Variants in FAM186A observed in about 807,000 individuals in gnomAD.
The protein encoded by FAM186A is family with sequence similarity 186 member A.
FAM186A carries 163 observed loss-of-function variants against 216.8 expected under a neutral mutation model. The ratio of observed to expected loss-of-function variants is 0.75; its 90% CI spans 0.66 to 0.86. FAM186A has a LOEUF of 0.86. Among genes scored for constraint, FAM186A ranks in the 40% least tolerant of loss-of-function variants. The pLI is 0.00. For synonymous variants in FAM186A, 805 were observed against 1,025.3 expected (o/e 0.79, Z 4.10); for missense variants, 2,184 against 2,746.2 (o/e 0.80, Z 4.58).
intron 4 of FAM186A, among the ~76,000 whole-genome samples, chr12:50,343,322 A>G (rs1489203999): frequency 6.6e-6 from 1 of 152,222 alleles, no homozygotes; most frequent in Non-Finnish European, 1.5e-5. Context: ...GATTACAAGC[A>G]TAAGCCACCT....
intron 1 of FAM186A, among the ~76,000 whole-genome samples, chr12:50,378,205 C>T (rs1245815590): frequency 7.2e-6 from 1 of 138,454 alleles, no homozygotes; most frequent in East Asian, 2.1e-4. Flanking sequence ...GCCTCGACAA[C>T]AAGAGCGAAA....
At chr12:50,328,538 GTC>G (rs35223695) in intron 7 of FAM186A, among the ~76,000 whole-genome samples, 48,724 of 151,428 alleles carry the variant, frequency 0.32, 8,085 homozygotes, top group South Asian at 0.48. Context: ...TTTTGAGAGA[GTC>G]TTTGTTGCCC....
At chr12:50,363,030 A>C (rs1943051226) in intron 2 of FAM186A, 115 bp downstream of exon 2, 5 of 857,262 alleles carry the variant, frequency 5.8e-6, no homozygotes, top group Non-Finnish European at 8.7e-6. Context: ...TCTCTGAATA[A>C]CCTCCTTAGT....
At position 50,354,956 on chromosome 12, in the gene FAM186A, C is replaced by G. The variant is rs767383700; in HGVS notation, c.1876G>C (p.Glu626Gln). Residue 626 changes from glutamate (E) to glutamine (Q), a missense_variant, in exon 4 of 8, where the codon GAG becomes CAG. This residue lies in a region of FAM186A where 1,132 missense variants were observed against 1,263.4 expected (regional missense o/e 0.90). Transcript: ENST00000327337. ...ACTTGTTTGGTCAACTCTTCCTTCT[C>G]TTCAGTTTTTTCTTCTTTGCTTGTG... is the stretch of plus-strand genomic sequence containing the variant. ...TITSKEEKTE[E>Q]KEELTKQVKS... 11 of 1,549,942 alleles carry G rather than the reference C, an allele frequency of 7.1e-6. No homozygotes were observed. The highest frequency in any genetic ancestry group is 8.7e-6 in the Non-Finnish European group (10 of 1,146,734).
At chr12:50,373,076 A>AAAGG in intron 1 of FAM186A, among the ~76,000 whole-genome samples, 1 of 143,026 alleles carries the variant, frequency 7.0e-6, no homozygotes, top group African/African-American at 2.5e-5. Flanking sequence ...AGAAAGAAAG[A>AAAGG]GAAAAGAAAG....
intron 1 of FAM186A, among the ~76,000 whole-genome samples, chr12:50,372,129 A>T (rs1426226903): frequency 1.3e-5 from 2 of 151,558 alleles, no homozygotes; most frequent in Admixed American, 6.6e-5. Flanking sequence ...TTTTTTTTTT[A>T]ATTTAAAAAG....
At chr12:50,358,631 A>T (rs1457226220) in intron 3 of FAM186A, among the ~76,000 whole-genome samples, 3 of 151,974 alleles carry the variant, frequency 2.0e-5, no homozygotes, top group Admixed American at 2.0e-4. Flanking sequence ...CTGTAAAGAA[A>T]TGTTAAAACT....
chr12:50,376,045 C>G (rs1943194799), intron 1 of FAM186A, among the ~76,000 whole-genome samples: 1 of 152,164 alleles, frequency 6.6e-6, no homozygotes, highest in Non-Finnish European at 1.5e-5. Context: ...GGCACAAGCA[C>G]TGGCTCTGGG....
chr12:50,368,129 A>C (rs1943108414), intron 1 of FAM186A, among the ~76,000 whole-genome samples: 1 of 151,850 alleles, frequency 6.6e-6, no homozygotes, highest in Admixed American at 6.6e-5. Flanking sequence ...TGGGTAACAG[A>C]GAGCGACTCT....
rs1410310485 is a variant in FAM186A, at chr12:50,330,689, C to T, written c.6918G>A (p.Glu2306=). 1 of 1,549,408 alleles carries T rather than the reference C, an allele frequency of 6.5e-7. No homozygotes were observed. Among genetic ancestry groups the T allele is most frequent in the Non-Finnish European group, 8.7e-7 (1 of 1,146,074 alleles). The change falls in exon 7 of 8, where the codon GAG becomes GAA. Residue 2306 remains glutamate (E), a synonymous_variant. Transcript: ENST00000327337. ...DLSTSSYPIA[E]KTSMHSLWAQ... ...CCCAGAGTGAATGCATAGATGTCTT[C>T]TCTGCTATTGGGTAGCTTGAAGTGG...
At position 50,351,066 on chromosome 12, in the gene FAM186A, T is replaced by TA; in HGVS notation, c.5765dup (p.Leu1922PhefsTer8). 6.4e-7 allele frequency: 1 copy of TA among 1,551,370 alleles called. No homozygotes were observed. Among genetic ancestry groups the TA allele is most frequent in the Non-Finnish European group, 8.7e-7 (1 of 1,146,924 alleles). ...GATGTCTAGAGGTGGGAGGGATCCATAATGAAGAAGCTCGCCCAGGAAGGG... is the reference window on the plus strand; with the variant it reads ...GATGTCTAGAGGTGGGAGGGATCCATAAATGAAGAAGCTCGCCCAGGAAGGG... On this transcript the variant is annotated frameshift_variant, in exon 4 of 8. Transcript: ENST00000327337. LOFTEE classifies it high-confidence loss of function.
chr12:50,346,134 G>A (rs565240161), intron 4 of FAM186A, among the ~76,000 whole-genome samples: 17 of 145,374 alleles, frequency 1.2e-4, no homozygotes, highest in Admixed American at 5.0e-4. Context: ...TTGCACCACT[G>A]CACTCCAGCT....
chr12:50,391,304 T>A (rs77154665), intron 1 of FAM186A, among the ~76,000 whole-genome samples: 15,086 of 150,930 alleles, frequency 0.1, 1,469 homozygotes, highest in East Asian at 0.33. Flanking sequence ...TTATTTTATT[T>A]TTTTATTTTT....
chr12:50,372,110 C>A (rs1943146937), intron 1 of FAM186A, among the ~76,000 whole-genome samples: 1 of 151,872 alleles, frequency 6.6e-6, no homozygotes, highest in African/African-American at 2.4e-5. Context: ...TCGTGGCTGG[C>A]CCAATTAATT....
intron 2 of FAM186A, among the ~76,000 whole-genome samples, chr12:50,362,725 C>T (rs939228661): frequency 7.1e-5 from 8 of 112,186 alleles, no homozygotes; most frequent in Admixed American, 2.6e-4. Flanking sequence ...GTCTGGGTAA[C>T]ACAGTGAGAA....
In FAM186A at chr12:50,355,939, T is replaced by C. The variant is rs1354490618; in HGVS notation, c.893A>G (p.Glu298Gly). 2 of 1,551,616 alleles carry C rather than the reference T, an allele frequency of 1.3e-6. No individual in the cohort carries two copies. Among genetic ancestry groups the C allele is most frequent in the African/African-American group, 2.7e-5 (2 of 73,190 alleles). The change falls in exon 4 of 8, where the codon GAA becomes GGA. Residue 298 changes from glutamate to glycine, a missense_variant. Around this residue, in one of 7 missense-constraint regions of FAM186A, gnomAD observed 1,132 missense variants for 1,263.4 expected, o/e 0.90. Coordinates refer to ENST00000327337, the MANE Select transcript of FAM186A (RefSeq NM_001145475.3). ...TVYAHETSEAEKELSLKIIRD... is the reference protein window; with the variant it reads ...TVYAHETSEAGKELSLKIIRD... Reference sequence around the variant, plus strand: ...TATTATCTTCAGAGAGAGCTCCTTTTCTGCTTCACTTGTCTCATGTGCATA... The same window carrying C: ...TATTATCTTCAGAGAGAGCTCCTTTCCTGCTTCACTTGTCTCATGTGCATA...
At chr12:50,379,376 C>T (rs1362306161) in intron 1 of FAM186A, among the ~76,000 whole-genome samples, 1 of 144,530 alleles carries the variant, frequency 6.9e-6, no homozygotes, top group Non-Finnish European at 1.5e-5. Context: ...GGAGGCGGAG[C>T]TTGCAGTGAG....
chr12:50,388,114 C>T lies in FAM186A; in HGVS notation c.192+8179G>A, dbSNP rs183081600. On this transcript the variant is annotated intron_variant, in intron 1 of 7. Transcript: ENST00000327337. ...CATTGGCCGTAGATAAGCAGCTTGACCTTCAGCGGCTTTCCCCACCCCTGA... is the reference window on the plus strand; with the variant it reads ...CATTGGCCGTAGATAAGCAGCTTGATCTTCAGCGGCTTTCCCCACCCCTGA... Among the ~76,000 whole-genome samples the T allele has an allele frequency of 1.1e-3, 169 of 152,240 alleles. 2 individuals are homozygous for T. Among genetic ancestry groups the T allele is most frequent in the African/African-American group, 3.9e-3 (162 of 41,530 alleles).
chr12:50,357,341 A>G (rs1942987764), intron 3 of FAM186A, among the ~76,000 whole-genome samples: 1 of 151,820 alleles, frequency 6.6e-6, no homozygotes, highest in Non-Finnish European at 1.5e-5. Flanking sequence ...AACTCTACTA[A>G]AAAAACAAAA....
Sources: allele counts gnomAD v4.1 joint callset (sites outside exome capture counted in the v4.1 genomes callset), GRCh38; gene constraint gnomAD v4.1.1; regional missense constraint gnomAD v4.1.1; transcripts MANE v1.5; gene names NCBI Gene and HGNC (gene_info 2026-07-23, HGNC 2026-07-21).